Variants in NDUFA11 observed in about 807,000 individuals in gnomAD.
NDUFA11 encodes the protein NADH dehydrogenase [ubiquinone] 1 alpha subcomplex subunit 11.
In NDUFA11, 14 loss-of-function variants were observed where a neutral mutation model predicts 11.3. That is an observed-to-expected ratio of 1.24 (90% CI 0.82 to 1.94). The LOEUF is 1.94. Among genes scored for constraint, NDUFA11 ranks in the 30% most tolerant of loss-of-function variants. The pLI is 0.00. For missense variants in NDUFA11, 204 were observed against 200.3 expected (o/e 1.02, Z -0.11); for synonymous variants, 87 against 85.6 (o/e 1.02, Z -0.09).
intron 1 of NDUFA11, chr19:5,901,612 C>T (rs1383295005): frequency 2.6e-6 from 1 of 378,028 alleles, no homozygotes; most frequent in Non-Finnish European, 4.9e-6. Context: ...CAGAGTTGAC[C>T]AAATTGATTC....
rs753345776 is a variant in NDUFA11 at position 5,896,587 on chromosome 19, A to G, written c.191-12T>C. Reference sequence around the variant, plus strand: ...GGCCCCGACAGCAGCTGCGGGGTAGACGGGAAGAGCAAGGGCCTCGAGACG... The same window carrying G: ...GGCCCCGACAGCAGCTGCGGGGTAGGCGGGAAGAGCAAGGGCCTCGAGACG... On this transcript the variant is annotated splice_polypyrimidine_tract_variant and intron_variant, in intron 2 of 3. Coordinates refer to ENST00000308961, the MANE Select transcript of NDUFA11 (RefSeq NM_175614.5). This position sits in a 1 kb window ranked among gnomAD's most constrained non-coding sequence, Gnocchi z 5.8. 1.2e-5 allele frequency: 19 copies of G among 1,561,346 alleles called. No individual in the cohort carries two copies. In the Admixed American group the frequency reaches 3.7e-4, roughly 30 times the overall value.
At chr19:5,902,139 C>A (rs140101087) in intron 1 of NDUFA11, among the ~76,000 whole-genome samples, 2,223 of 147,886 alleles carry the variant, frequency 0.015, 56 homozygotes, top group African/African-American at 0.053. Flanking sequence ...TCATGCCTGG[C>A]TGATTTTTTG....
At chr19:5,893,287 G>T, downstream of NDUFA11, 1 of 1,191,268 alleles carries the variant, frequency 8.4e-7, no homozygotes, top group Non-Finnish European at 1.2e-6. This position sits in a 1 kb window ranked among gnomAD's most constrained non-coding sequence, Gnocchi z 4.1. Flanking sequence ...GTGAGATCCT[G>T]TCTCTACAAA....
chr19:5,891,251 C>T (rs1359987385), downstream of NDUFA11: 1 of 150,952 alleles, frequency 6.6e-6, no homozygotes, highest in Non-Finnish European at 1.5e-5. Flanking sequence ...CAGCCCAGGC[C>T]AGCGTTATTT....
intron 1 of NDUFA11, 125 bp from the exon 2 acceptor site, chr19:5,897,122 T>A: frequency 1.3e-6 from 1 of 791,332 alleles, no homozygotes; most frequent in South Asian, 1.4e-5. Flanking sequence ...GCCCATAGTG[T>A]CCCCGGCTGC....
chr19:5,894,899 C>T (rs375076176), intron 3 of NDUFA11, 45 bp from the exon 4 acceptor site: 39 of 1,542,826 alleles, frequency 2.5e-5, no homozygotes, highest in African/African-American at 1.2e-4. Context: ...GGGGCTCGGC[C>T]GGACCAAGAC....
downstream of NDUFA11, among the ~76,000 whole-genome samples, chr19:5,893,782 G>A (rs768764118): frequency 9.9e-5 from 15 of 152,154 alleles, no homozygotes; most frequent in South Asian, 4.1e-4. The surrounding 1 kb of genome is among the most constrained non-coding windows in gnomAD (Gnocchi z 4.1). Flanking sequence ...TCTAGGCCCC[G>A]CGGATGGGCT....
At chr19:5,892,956 C>T, downstream of NDUFA11, 1 of 1,480,128 alleles carries the variant, frequency 6.8e-7, no homozygotes, top group South Asian at 1.3e-5. Flanking sequence ...TTAACAATGA[C>T]TCTATTAGGG....
Position 5,900,862 on chromosome 19 carries a change from G to T in NDUFA11, c.97+2750C>A, listed in dbSNP as rs1342720400. On this transcript the variant is annotated intron_variant, in intron 1 of 3. Transcript: ENST00000308961. ...GGAGGCAGAGGTTGCAGTAAGCCAA[G>T]ATCGCACCACTGCACTCCAGCCTGG... Among the ~76,000 whole-genome samples, 3 of 145,968 alleles carry T rather than the reference G, an allele frequency of 2.1e-5. No homozygotes were observed. The East Asian group carries it at 6.0e-4, about 29-fold the overall frequency.
At chr19:5,893,366 G>A, downstream of NDUFA11, 1 of 657,172 alleles carries the variant, frequency 1.5e-6, no homozygotes, top group Non-Finnish European at 2.6e-6. This position sits in a 1 kb window ranked among gnomAD's most constrained non-coding sequence, Gnocchi z 4.1. Flanking sequence ...CAGGGAGGCT[G>A]AGATGAGAGA....
downstream of NDUFA11, chr19:5,892,686 C>A: frequency 2.1e-6 from 1 of 472,276 alleles, no homozygotes; most frequent in Non-Finnish European, 3.5e-6. Flanking sequence ...CCCGGGTCCA[C>A]ACTGCCCAGC....
At chr19:5,891,327 T>C (rs2057577423), downstream of NDUFA11, 1 of 152,156 alleles carries the variant, frequency 6.6e-6, no homozygotes, top group East Asian at 1.9e-4. Flanking sequence ...TGACATGATC[T>C]CGGCTCACTG....
At chr19:5,897,233 C>G (rs1038434740) in intron 1 of NDUFA11, among the ~76,000 whole-genome samples, 1 of 152,244 alleles carries the variant, frequency 6.6e-6, no homozygotes, top group Non-Finnish European at 1.5e-5. Context: ...TGGCCACTTT[C>G]TCAAGCCTGA....
chr19:5,902,826 C>A (rs1259668471), intron 1 of NDUFA11, among the ~76,000 whole-genome samples: 1 of 152,046 alleles, frequency 6.6e-6, no homozygotes, highest in Non-Finnish European at 1.5e-5. Context: ...CTGGCCAACA[C>A]GGTGAAACCC....
rs28473717 is a variant in NDUFA11 at position 5,901,155 on chromosome 19, G to A, written c.97+2457C>T. On this transcript the variant is annotated intron_variant, in intron 1 of 3. Coordinates refer to ENST00000308961, the MANE Select transcript of NDUFA11 (RefSeq NM_175614.5). ...CCTTCACTCAGCAGCACCACACCCC[G>A]AGACAAGCTGTCTCCTCCAAAGGCC... 2,590 of 454,564 alleles carry A rather than the reference G, an allele frequency of 5.7e-3. 61 individuals carry two copies. The highest frequency in any genetic ancestry group is 0.047 in the African/African-American group (2,265 of 48,454). 28.2% of individuals were successfully genotyped at this position (454,564 alleles called of 1,614,324 possible).
At position 5,894,715 on chromosome 19, in the gene NDUFA11, G is replaced by T; in HGVS notation, c.*27C>A. The T allele has an allele frequency of 6.2e-7, 1 of 1,609,474 alleles. No homozygotes were observed. The highest frequency in any genetic ancestry group is 1.7e-5 in the Admixed American group (1 of 59,556). On this transcript the variant is annotated 3_prime_UTR_variant, in exon 4 of 4. Transcript: ENST00000308961. Reference sequence around the variant, plus strand: ...AATTTATTTCTGGACGCATTCTGCAGGCTGGAGGTCCCGGCAGGCACAGGG... The same window carrying T: ...AATTTATTTCTGGACGCATTCTGCATGCTGGAGGTCCCGGCAGGCACAGGG...
rs528611104 is a variant in NDUFA11 at position 5,903,557 on chromosome 19, C to T, written c.97+55G>A. On this transcript the variant is annotated intron_variant, in intron 1 of 3. Coordinates refer to ENST00000308961, the MANE Select transcript of NDUFA11 (RefSeq NM_175614.5). ...TCGATCCAAACAGCCCCCAGTAACC[C>T]CACGACCTCCCTGCGGCCTCGGCCC... 1,661 of 1,506,822 alleles carry T rather than the reference C, an allele frequency of 1.1e-3. 2 individuals carry two copies. The highest frequency in any genetic ancestry group is 1.8e-3 in the South Asian group (150 of 83,200). 93.3% of individuals were successfully genotyped at this position (1,506,822 alleles called of 1,614,324 possible). A position where few individuals can be genotyped will look rare whatever the true frequency, so the allele number is the denominator to read the frequency against.
At chr19:5,892,921 G>A, downstream of NDUFA11, 1 of 1,441,752 alleles carries the variant, frequency 6.9e-7, no homozygotes, top group Non-Finnish European at 9.1e-7. Context: ...AAAGAATCAA[G>A]TTCTGGGGTT....
At chr19:5,897,115 C>T in intron 1 of NDUFA11, 118 bp from the exon 2 acceptor site, 1 of 823,514 alleles carries the variant, frequency 1.2e-6, no homozygotes, top group Non-Finnish European at 2.1e-6. Context: ...CTTCTTTGCC[C>T]ATAGTGTCCC....
Sources: allele counts gnomAD v4.1 joint callset (sites outside exome capture counted in the v4.1 genomes callset), GRCh38; gene constraint gnomAD v4.1.1; non-coding constraint Gnocchi (gnomAD v3.1); transcripts MANE v1.5; gene names NCBI Gene and HGNC (gene_info 2026-07-23, HGNC 2026-07-21).